The following CNIH3 variants were observed in gnomAD, a reference collection of about 807,000 sequenced individuals.
The protein encoded by CNIH3 is protein cornichon homolog 3.
In CNIH3, 14 loss-of-function variants were observed where a neutral mutation model predicts 24.1. The observed-to-expected ratio is 0.58, with a 90% CI of 0.38 to 0.91. The LOEUF (loss-of-function observed/expected upper bound fraction) is 0.91. Ranked by LOEUF, CNIH3 falls within the 40% of genes least tolerant of loss-of-function variation. The pLI is 0.00. For synonymous variants in CNIH3, 68 were observed against 73.8 expected, an observed-to-expected ratio of 0.92 and a Z score of 0.40; for missense variants, 178 against 196.8, an observed-to-expected ratio of 0.90 and a Z score of 0.57.
chr1:224,575,024 G>A (rs1007186892), intron 4 of CNIH3: 47 of 874,750 alleles, frequency 5.4e-5, no homozygotes, highest in Non-Finnish European at 8.5e-5. Context: ...CTCAGGAGAA[G>A]TTAATCCAGT....
chr1:224,485,264 C>A (rs1676982250), intron 1 of CNIH3, among the ~76,000 whole-genome samples: 1 of 152,170 alleles, frequency 6.6e-6, no homozygotes, highest in Non-Finnish European at 1.5e-5. Flanking sequence ...CAGGTAAGAA[C>A]TCAGGTTTTA....
intron 1 of CNIH3, among the ~76,000 whole-genome samples, chr1:224,518,501 CTT>C (rs5781373): frequency 1.2e-4 from 17 of 146,300 alleles, no homozygotes; most frequent in African/African-American, 1.3e-4. Context: ...TTTTTGAAGC[CTT>C]TTTTTTTTTT....
intron 1 of CNIH3, among the ~76,000 whole-genome samples, chr1:224,617,575 C>T (rs1351982883): frequency 1.3e-5 from 2 of 152,244 alleles, no homozygotes; most frequent in Non-Finnish European, 2.9e-5. Flanking sequence ...CCTCTCCTGC[C>T]GGCGGGAGGC....
upstream of CNIH3, among the ~76,000 whole-genome samples, chr1:224,614,807 C>T (rs1044144079): frequency 1.3e-4 from 20 of 151,086 alleles, no homozygotes; most frequent in African/African-American, 3.9e-4. Flanking sequence ...ATTAGCTGGG[C>T]GTGGTGGTGC....
At chr1:224,574,469 G>C in intron 4 of CNIH3, 2 of 644,346 alleles carry the variant, frequency 3.1e-6, no homozygotes, top group Admixed American at 4.6e-5. Flanking sequence ...ATGGCACCAA[G>C]ATGCCCATCC....
At chr1:224,499,274 T>C (rs965314601) in intron 1 of CNIH3, among the ~76,000 whole-genome samples, 1 of 152,214 alleles carries the variant, frequency 6.6e-6, no homozygotes, top group African/African-American at 2.4e-5. Flanking sequence ...GGATTTGGAC[T>C]CTCTGCTGTA....
At chr1:224,451,106 CACAGTCATGGGGT>C (rs1259115299) in intron 1 of CNIH3, among the ~76,000 whole-genome samples, 2 of 152,188 alleles carry the variant, frequency 1.3e-5, no homozygotes, top group Non-Finnish European at 2.9e-5. Flanking sequence ...TGTCCTCGTG[CACAGTCATGGGGT>C]ATGGCCGAGG....
At chr1:224,562,764 C>T (rs745709357) in intron 3 of CNIH3, among the ~76,000 whole-genome samples, 3 of 152,084 alleles carry the variant, frequency 2.0e-5, no homozygotes, top group Non-Finnish European at 4.4e-5. Context: ...CGTCCCTCAC[C>T]ATATGACACA....
chr1:224,545,466 C>T (rs1016878668), intron 2 of CNIH3, among the ~76,000 whole-genome samples: 3 of 152,182 alleles, frequency 2.0e-5, no homozygotes, highest in Non-Finnish European at 4.4e-5. Context: ...TTAGGCTACC[C>T]AAATTCCCAG....
At chr1:224,665,229 A>G (rs1685539496) in intron 1 of CNIH3, among the ~76,000 whole-genome samples, 2 of 152,096 alleles carry the variant, frequency 1.3e-5, no homozygotes, top group East Asian at 1.9e-4. Context: ...GCCCTCTTGT[A>G]CGCTGGATAC....
At chr1:224,657,433 G>GAA (rs1685150456) in intron 1 of CNIH3, among the ~76,000 whole-genome samples, 10 of 151,484 alleles carry the variant, frequency 6.6e-5, no homozygotes, top group Admixed American at 6.6e-4. Context: ...GAGAGAGAGA[G>GAA]AAATATGCCT....
intron 3 of CNIH3, among the ~76,000 whole-genome samples, chr1:224,605,058 C>T (rs764094030): frequency 2.0e-5 from 3 of 152,140 alleles, no homozygotes; most frequent in Non-Finnish European, 4.4e-5. Flanking sequence ...AAAGCAAAGA[C>T]ACCACTCAAA....
intron 1 of CNIH3, among the ~76,000 whole-genome samples, chr1:224,445,186 A>G (rs1187707958): frequency 2.6e-5 from 4 of 152,270 alleles, no homozygotes; most frequent in East Asian, 3.9e-4. Context: ...ATAGTCCTAC[A>G]TATATGTATG....
rs116187564 is a variant in CNIH3, at chr1:224,535,473, C to T, written n.344-1463C>T. Reference sequence around the variant, plus strand: ...TGTTACAGCATCACTGAGAAACAAACGGACTGTCCCTTTCATCAAGGTTAA... The same window carrying T: ...TGTTACAGCATCACTGAGAAACAAATGGACTGTCCCTTTCATCAAGGTTAA... On this transcript the variant is annotated intron_variant and non_coding_transcript_variant, in intron 2 of 2. Transcript: ENST00000470602. Among the ~76,000 whole-genome samples the T allele has an allele frequency of 8.2e-3, 1,244 of 152,328 alleles. 9 individuals are homozygous for T. Among genetic ancestry groups the T allele is most frequent in the Middle Eastern group, 0.024 (7 of 294 alleles).
chr1:224,659,224 C>T (rs990716979), intron 1 of CNIH3, among the ~76,000 whole-genome samples: 1 of 152,178 alleles, frequency 6.6e-6, no homozygotes, highest in African/African-American at 2.4e-5. Flanking sequence ...TGACTGGTGT[C>T]AGTGTTTAGG....
At position 224,501,523 on chromosome 1, in the gene CNIH3, A is replaced by T. The variant is rs906174097; in HGVS notation, n.204-14218A>T. ...CTTGAACCTATATATATATATATAT[A>T]TATTTTTTTTTTTTAACCCCAGAGT... On this transcript the variant is annotated intron_variant and non_coding_transcript_variant, in intron 1 of 5. Transcript: ENST00000471578. Among the ~76,000 whole-genome samples the T allele has an allele frequency of 1.3e-3, 145 of 112,246 alleles. 1 individual carries two copies. The Middle Eastern group carries it at 0.021, about 16-fold the overall frequency. 73.6% of individuals were successfully genotyped at this position (112,246 alleles called of 152,430 possible).
chr1:224,674,656 C>G (rs192513842), intron 1 of CNIH3, among the ~76,000 whole-genome samples: 160 of 152,148 alleles, frequency 1.1e-3, no homozygotes, highest in Middle Eastern at 3.4e-3. Context: ...GGGGCAGCAC[C>G]TTTTGGGCTG....
chr1:224,637,914 C>G (rs1446818192), intron 1 of CNIH3, among the ~76,000 whole-genome samples: 2 of 152,202 alleles, frequency 1.3e-5, no homozygotes, highest in African/African-American at 2.4e-5. Context: ...GCACCTGCCA[C>G]CCTTGCCTTG....
intron 1 of CNIH3, among the ~76,000 whole-genome samples, chr1:224,449,408 C>T (rs144497229): frequency 3.5e-4 from 54 of 152,254 alleles, no homozygotes; most frequent in African/African-American, 9.4e-4. Flanking sequence ...TTTGGGTTTA[C>T]ATCTTTTTAT....
Sources: gnomAD v4.1 joint callset for allele counts (sites outside exome capture counted in the v4.1 genomes callset) on GRCh38, gnomAD v4.1.1 for gene constraint, MANE v1.5 for transcripts, NCBI Gene and HGNC (gene_info 2026-07-23, HGNC 2026-07-21) for gene names.